BTNL8: variants seen among roughly 807,000 people sequenced by gnomAD.
BTNL8 encodes the protein butyrophilin-like protein 8.
A neutral mutation model predicts 36.1 loss-of-function variants in BTNL8; 22 were observed. That is an observed-to-expected ratio of 0.61 (90% CI 0.44 to 0.87). BTNL8 has a LOEUF of 0.87. Among genes scored for constraint, BTNL8 ranks in the 40% least tolerant of loss-of-function variants. The pLI is 0.00. For synonymous variants in BTNL8, 203 were observed against 235.6 expected (o/e 0.86, Z 1.27); for missense variants, 526 against 616.9 (o/e 0.85, Z 1.56).
At chr5:180,947,277 TGTAAA>T (rs1469332771) in intron 3 of BTNL8, among the ~76,000 whole-genome samples, 1 of 152,192 alleles carries the variant, frequency 6.6e-6, no homozygotes, top group Non-Finnish European at 1.5e-5. Context: ...CGTATCAGTG[TGTAAA>T]GGAATGTCCA....
chr5:180,900,178 A>G (rs1756762477), intron 1 of BTNL8, among the ~76,000 whole-genome samples: 1 of 152,174 alleles, frequency 6.6e-6, no homozygotes, highest in South Asian at 2.1e-4. Context: ...GTTTTCATTT[A>G]TTTTCTGACG....
At chr5:180,928,151 C>T (rs921042254) in intron 3 of BTNL8, among the ~76,000 whole-genome samples, 59 of 152,342 alleles carry the variant, frequency 3.9e-4, no homozygotes, top group African/African-American at 1.4e-3. Flanking sequence ...TGAAACCCTA[C>T]AAGCCAGAAG....
intron 3 of BTNL8, among the ~76,000 whole-genome samples, chr5:180,927,155 C>T (rs1758141782): frequency 6.6e-6 from 1 of 152,158 alleles, no homozygotes; most frequent in Admixed American, 6.5e-5. Context: ...TGTTCTGCAC[C>T]CTCCGCTGAT....
chr5:180,911,693 G>C (rs1039956680), intron 3 of BTNL8, 79 bp downstream of exon 3: 3 of 1,338,518 alleles, frequency 2.2e-6, no homozygotes, highest in African/African-American at 3.0e-5. Context: ...CCTCCATCTT[G>C]GCATTGCTGT....
At chr5:180,941,687 G>A (rs1758961790) in intron 3 of BTNL8, among the ~76,000 whole-genome samples, 1 of 151,788 alleles carries the variant, frequency 6.6e-6, no homozygotes, top group South Asian at 2.1e-4. Context: ...ACAGAATGAA[G>A]ACCAAAAAGT....
intron 3 of BTNL8, among the ~76,000 whole-genome samples, chr5:180,944,704 T>A (rs1759155343): frequency 6.6e-6 from 1 of 152,238 alleles, no homozygotes. Flanking sequence ...ATCAATGTTT[T>A]AGGTGATACC....
intron 3 of BTNL8, among the ~76,000 whole-genome samples, chr5:180,913,918 T>C (rs6893669): frequency 7.7e-4 from 117 of 152,294 alleles, no homozygotes; most frequent in Non-Finnish European, 1.2e-3. Flanking sequence ...GAATATAGAA[T>C]ACTTGAACTA....
Position 180,950,657 on chromosome 5 carries a change from C to T in BTNL8, c.*113C>T. 10 of 1,105,038 alleles carry T rather than the reference C, an allele frequency of 9.0e-6. No individual in the cohort carries two copies. The highest frequency in any genetic ancestry group is 1.3e-5 in the Non-Finnish European group (10 of 784,500). The allele number at this position is 1,105,038 out of a possible 1,614,324, so 68.5% of individuals were successfully genotyped here. On this transcript the variant is annotated 3_prime_UTR_variant, in exon 8 of 8. Transcript: ENST00000340184. ...CCAGATGAAGGGGGACTGGCCTGTC[C>T]ACATGGGAGTCAGGTGTCATGGCTG...
Position 180,908,918 on chromosome 5 carries a change from G to A in BTNL8, c.382G>A (p.Glu128Lys). The change falls in exon 2 of 8, where the codon GAG (glutamate) becomes AAG (lysine). Residue 128 changes from glutamate (E) to lysine (K), a missense_variant. By Grantham distance (56) the Glu-to-Lys change is moderately conservative. Coordinates refer to ENST00000340184, the MANE Select transcript of BTNL8 (RefSeq NM_001040462.3). ...SQSYYQKAIW[E>K]LQVSALGSVP... ...GTCTTACTACCAGAAGGCCATCTGG[G>A]AGCTACAGGTGTCAGGTCAGTTTCA... 1 of 1,612,930 alleles carries A rather than the reference G, an allele frequency of 6.2e-7. No individual in the cohort carries two copies. Among genetic ancestry groups the A allele is most frequent in the South Asian group, 1.1e-5 (1 of 91,050 alleles).
intron 3 of BTNL8, among the ~76,000 whole-genome samples, chr5:180,921,690 C>CAG (rs1757869029): frequency 7.0e-6 from 1 of 143,588 alleles, no homozygotes; most frequent in Non-Finnish European, 1.5e-5. Context: ...CACACACACA[C>CAG]ACACAGACAC....
chr5:180,940,182 TA>T (rs1488454363), intron 3 of BTNL8, among the ~76,000 whole-genome samples: 1 of 151,824 alleles, frequency 6.6e-6, no homozygotes, highest in African/African-American at 2.4e-5. Flanking sequence ...CCATCTCTAC[TA>T]AAAATACAAA....
chr5:180,912,331 G>T (rs1327384010), intron 3 of BTNL8, among the ~76,000 whole-genome samples: 2 of 152,068 alleles, frequency 1.3e-5, no homozygotes, highest in African/African-American at 4.8e-5. Context: ...CTTCCATGAT[G>T]TATGCAAGCC....
intron 3 of BTNL8, among the ~76,000 whole-genome samples, chr5:180,920,776 G>C (rs1419390758): frequency 1.3e-5 from 2 of 151,956 alleles, no homozygotes; most frequent in African/African-American, 4.8e-5. Context: ...AATGGGCAAA[G>C]TACATGAATA....
At chr5:180,943,595 AT>A (rs1449500568) in intron 3 of BTNL8, among the ~76,000 whole-genome samples, 2 of 152,236 alleles carry the variant, frequency 1.3e-5, no homozygotes, top group Non-Finnish European at 2.9e-5. Flanking sequence ...AAGACAAAAG[AT>A]AACAATTGTT....
chr5:180,931,368 C>A (rs527236873), intron 3 of BTNL8, among the ~76,000 whole-genome samples: 66 of 151,982 alleles, frequency 4.3e-4, no homozygotes, highest in Non-Finnish European at 9.1e-4. Context: ...AGAAGAAAAC[C>A]TAGGGAATAA....
intron 1 of BTNL8, among the ~76,000 whole-genome samples, chr5:180,908,331 C>T (rs996850260): frequency 6.6e-5 from 10 of 152,196 alleles, no homozygotes; most frequent in South Asian, 6.2e-4. Context: ...TGACCCCTTG[C>T]GCTTCCCGAG....
At chr5:180,945,010 GC>G (rs1214180726) in intron 3 of BTNL8, among the ~76,000 whole-genome samples, 1 of 152,082 alleles carries the variant, frequency 6.6e-6, no homozygotes, top group African/African-American at 2.4e-5. Flanking sequence ...ATCTCAAATA[GC>G]CAAAGCAATC....
chr5:180,948,196 A>T lies in BTNL8; in HGVS notation c.788-159A>T. The stretch of plus-strand genomic sequence containing the variant: ...CTCTTGCTCCACCCCAGAGAGCCAC[A>T]CTCCGTGCAGGAGCTGGGGAGACGA... On this transcript the variant is annotated intron_variant, in intron 4 of 7. Transcript: ENST00000340184. 2 of 1,138,468 alleles carry T rather than the reference A, an allele frequency of 1.8e-6. 1 individual carries two copies. Among genetic ancestry groups the T allele is most frequent in the Non-Finnish European group, 2.5e-6 (2 of 791,100 alleles). 70.5% of individuals were successfully genotyped at this position (1,138,468 alleles called of 1,614,324 possible).
rs1437062327 is a variant in BTNL8 at position 180,929,982 on chromosome 5, T to C, written c.674-17530T>C. On this transcript the variant is annotated intron_variant, in intron 3 of 7. Transcript: ENST00000340184. Reference sequence around the variant, plus strand: ...TCATTTTATGAGGCCACCATCATCCTGATACCAAAACCTGGCAGAAACACA... The same window carrying C: ...TCATTTTATGAGGCCACCATCATCCCGATACCAAAACCTGGCAGAAACACA... Among the ~76,000 whole-genome samples the C allele has an allele frequency of 3.3e-5, 5 of 152,330 alleles. No individual in the cohort carries two copies. The East Asian group carries it at 9.6e-4, about 29-fold the overall frequency.
Sources: gnomAD v4.1 joint callset for allele counts (sites outside exome capture counted in the v4.1 genomes callset) on GRCh38, gnomAD v4.1.1 for gene constraint, MANE v1.5 for transcripts, NCBI Gene and HGNC (gene_info 2026-07-23, HGNC 2026-07-21) for gene names.